Variants in CCDC102B observed in about 807,000 individuals in gnomAD.
The protein encoded by CCDC102B is coiled-coil domain containing 102B.
A neutral mutation model predicts 57.4 loss-of-function variants in CCDC102B; 75 were observed. That is an observed-to-expected ratio of 1.31 (90% CI 1.08 to 1.58). The LOEUF (loss-of-function observed/expected upper bound fraction) is 1.58. Ranked by LOEUF, CCDC102B falls within the 40% of genes most tolerant of loss-of-function variation. The probability of loss-of-function intolerance (pLI) is 0.00; values close to 1 mark genes in which losing one functional copy is unlikely to be tolerated. For synonymous variants in CCDC102B, 206 were observed against 201.9 expected, an observed-to-expected ratio of 1.02 and a Z score of -0.17; for missense variants, 636 against 582.6, an observed-to-expected ratio of 1.09 and a Z score of -0.94.
chr18:69,035,302 CT>C (rs2145454799), intron 7 of CCDC102B, among the ~76,000 whole-genome samples: 1 of 152,070 alleles, frequency 6.6e-6, no homozygotes, highest in Admixed American at 6.6e-5. Context: ...ATGGAAGGTA[CT>C]TGGTAAATAT....
At chr18:68,872,311 T>C (rs2039269520) in intron 4 of CCDC102B, among the ~76,000 whole-genome samples, 1 of 151,996 alleles carries the variant, frequency 6.6e-6, no homozygotes, top group South Asian at 2.1e-4. Context: ...ACAAATGAGG[T>C]AGGTGCACGG....
At chr18:69,050,664 G>T (rs925121579) in intron 7 of CCDC102B, among the ~76,000 whole-genome samples, 6 of 152,128 alleles carry the variant, frequency 3.9e-5, no homozygotes, top group Non-Finnish European at 7.4e-5. Context: ...CCATTTTAAA[G>T]ATGGAGAGTA....
At chr18:68,875,676 T>C (rs1274418739) in intron 5 of CCDC102B, among the ~76,000 whole-genome samples, 1 of 152,092 alleles carries the variant, frequency 6.6e-6, no homozygotes, top group African/African-American at 2.4e-5. Context: ...CCTGATTACT[T>C]TATTCTGGTC....
intron 1 of CCDC102B, among the ~76,000 whole-genome samples, chr18:68,829,646 C>T (rs768729898): frequency 4.0e-5 from 6 of 151,876 alleles, no homozygotes; most frequent in Non-Finnish European, 8.8e-5. Context: ...AAAATATTAC[C>T]GCATTTCACT....
intron 6 of CCDC102B, among the ~76,000 whole-genome samples, chr18:68,924,116 C>T (rs2041389866): frequency 7.3e-6 from 1 of 136,460 alleles, no homozygotes; most frequent in East Asian, 2.1e-4. Context: ...GTCTCAGCCC[C>T]CTTTTCCCTT....
intron 6 of CCDC102B, among the ~76,000 whole-genome samples, chr18:68,950,289 G>A (rs914626662): frequency 1.3e-5 from 2 of 152,100 alleles, no homozygotes; most frequent in African/African-American, 4.8e-5. Flanking sequence ...GTAGACAGTA[G>A]TATATTTCAG....
At chr18:68,872,847 T>C (rs2039291392) in intron 4 of CCDC102B, among the ~76,000 whole-genome samples, 1 of 152,140 alleles carries the variant, frequency 6.6e-6, no homozygotes, top group African/African-American at 2.4e-5. Context: ...CAATGATGAA[T>C]GATATGGATT....
chr18:68,927,752 G>A (rs887938670), intron 6 of CCDC102B, among the ~76,000 whole-genome samples: 8 of 151,878 alleles, frequency 5.3e-5, no homozygotes, highest in Admixed American at 5.3e-4. Context: ...GGAGAAGAGG[G>A]GTCTTACATA....
chr18:69,045,935 A>G (rs555226205), intron 7 of CCDC102B, among the ~76,000 whole-genome samples: 3 of 151,972 alleles, frequency 2.0e-5, no homozygotes, highest in African/African-American at 7.2e-5. Flanking sequence ...AAGAACATAA[A>G]CTCATTCTTT....
At chr18:68,966,589 T>G (rs2050170702) in intron 6 of CCDC102B, among the ~76,000 whole-genome samples, 1 of 152,156 alleles carries the variant, frequency 6.6e-6, no homozygotes, top group South Asian at 2.1e-4. Context: ...TCCTTTGGCT[T>G]TGGATCAACC....
At chr18:68,870,624 G>T (rs1341628675) in intron 4 of CCDC102B, among the ~76,000 whole-genome samples, 1 of 152,138 alleles carries the variant, frequency 6.6e-6, no homozygotes, top group Admixed American at 6.5e-5. Context: ...ATGCAAATTT[G>T]TGTATTTCAT....
intron 6 of CCDC102B, among the ~76,000 whole-genome samples, chr18:68,906,620 T>C (rs2145054444): frequency 6.6e-6 from 1 of 152,364 alleles, no homozygotes; most frequent in East Asian, 1.9e-4. Flanking sequence ...TCATGTGTTA[T>C]TGGCCATTTG....
chr18:68,962,073 T>C (rs1370155797), intron 6 of CCDC102B, among the ~76,000 whole-genome samples: 1 of 152,148 alleles, frequency 6.6e-6, no homozygotes, highest in Non-Finnish European at 1.5e-5. Flanking sequence ...AGCAGCCAAA[T>C]TGGTATTTCA....
At chr18:69,056,513 C>G (rs2145510579), downstream of CCDC102B, among the ~76,000 whole-genome samples, 1 of 152,034 alleles carries the variant, frequency 6.6e-6, no homozygotes, top group East Asian at 2.0e-4. Context: ...TTCTGCTTGT[C>G]TCCTACTCAT....
chr18:68,888,512 A>G (rs1190156278), intron 5 of CCDC102B, among the ~76,000 whole-genome samples: 2 of 152,166 alleles, frequency 1.3e-5, no homozygotes, highest in Non-Finnish European at 2.9e-5. Flanking sequence ...CACCGTGTAC[A>G]TTGTAGGATG....
At chr18:69,049,214 T>G (rs2052642589) in intron 7 of CCDC102B, among the ~76,000 whole-genome samples, 1 of 151,970 alleles carries the variant, frequency 6.6e-6, no homozygotes, top group African/African-American at 2.4e-5. Context: ...TGACAGGCCC[T>G]GCTGTGTGAT....
At chr18:68,821,761 A>C (rs901625106) in intron 1 of CCDC102B, among the ~76,000 whole-genome samples, 7 of 152,028 alleles carry the variant, frequency 4.6e-5, no homozygotes, top group Non-Finnish European at 5.9e-5. Flanking sequence ...GTAGATGTTA[A>C]TTAGTAACTG....
At chr18:68,969,465 T>C (rs1239662413) in intron 6 of CCDC102B, among the ~76,000 whole-genome samples, 1 of 151,602 alleles carries the variant, frequency 6.6e-6, no homozygotes, top group Admixed American at 6.6e-5. Flanking sequence ...TTCTTTTTTT[T>C]TCTCCTTTTA....
In CCDC102B at chr18:68,837,388, G is replaced by A; in HGVS notation, c.606+19G>A. 1 of 1,590,706 alleles carries A rather than the reference G, an allele frequency of 6.3e-7. No individual in the cohort carries two copies. Among genetic ancestry groups the A allele is most frequent in the Non-Finnish European group, 8.6e-7 (1 of 1,169,262 alleles). ...TAATAAGGTAAGAAAAAAATCCAGA[G>A]ATGATGTGAATTTCTGAAGGTCATA... On this transcript the variant is annotated intron_variant, in intron 2 of 7. Coordinates refer to ENST00000360242, the MANE Select transcript of CCDC102B (RefSeq NM_024781.3).
Sources: gnomAD v4.1 joint callset for allele counts (sites outside exome capture counted in the v4.1 genomes callset) on GRCh38, gnomAD v4.1.1 for gene constraint, MANE v1.5 for transcripts, NCBI Gene and HGNC (gene_info 2026-07-23, HGNC 2026-07-21) for gene names.